FAM135B: variants seen among roughly 807,000 people sequenced by gnomAD.
FAM135B encodes the protein family with sequence similarity 135 member B, also known as protein FAM135B.
FAM135B carries 43 observed loss-of-function variants against 127.7 expected under a neutral mutation model. The observed-to-expected ratio is 0.34, with a 90% confidence interval of 0.26 to 0.43. The LOEUF (loss-of-function observed/expected upper bound fraction) is 0.43, where lower values mean the gene tolerates loss of function less well. Among genes scored for constraint, FAM135B ranks in the 20% least tolerant of loss-of-function variants. The pLI is 1.00. For synonymous variants in FAM135B, 670 were observed against 665.1 expected (o/e 1.01, Z -0.11); for missense variants, 1,558 against 1,725.6 (o/e 0.90, Z 1.72).
chr8:138,440,806 A>C (rs1049516586), intron 1 of FAM135B: 1 of 152,186 alleles, frequency 6.6e-6, no homozygotes, highest in Non-Finnish European at 1.5e-5. Context: ...AGTGGCTATG[A>C]TATTTCATGA....
At position 138,250,882 on chromosome 8, in the gene FAM135B, G is replaced by A. The variant is rs749753235; in HGVS notation, c.501C>T (p.Thr167=). The A allele has an allele frequency of 1.7e-5, 28 of 1,613,836 alleles. No homozygotes were observed. The highest frequency in any genetic ancestry group is 6.7e-5 in the East Asian group (3 of 44,874). Residue 167 remains threonine (T), a synonymous_variant, in exon 6 of 20, where the codon ACC becomes ACT. Coordinates refer to ENST00000395297, the MANE Select transcript of FAM135B (RefSeq NM_015912.4). ...DYFHLSVISV[T]VHAALVALQQ... ...GCAGAGCCACCAGGGCAGCATGGACGGTCACCGAGATCACAGACAGGTGGA... is the reference window on the plus strand; with the variant it reads ...GCAGAGCCACCAGGGCAGCATGGACAGTCACCGAGATCACAGACAGGTGGA...
chr8:138,217,907 A>T (rs1818697107), intron 7 of FAM135B, among the ~76,000 whole-genome samples: 1 of 152,192 alleles, frequency 6.6e-6, no homozygotes, highest in African/African-American at 2.4e-5. Flanking sequence ...TGGGATGAAG[A>T]CAAGATACTG....
chr8:138,185,709 G>A (rs1296948334), intron 9 of FAM135B, among the ~76,000 whole-genome samples: 1 of 152,130 alleles, frequency 6.6e-6, no homozygotes, highest in African/African-American at 2.4e-5. Flanking sequence ...GGGGCAACCA[G>A]GGAATTCTCT....
intron 7 of FAM135B, among the ~76,000 whole-genome samples, chr8:138,239,429 T>C (rs1253147594): frequency 6.6e-6 from 1 of 152,232 alleles, no homozygotes; most frequent in African/African-American, 2.4e-5. Flanking sequence ...TAAATTTGTT[T>C]GAGTTCTTTG....
intron 3 of FAM135B, among the ~76,000 whole-genome samples, chr8:138,269,549 AAT>A (rs1011934907): frequency 6.6e-6 from 1 of 152,244 alleles, no homozygotes; most frequent in Non-Finnish European, 1.5e-5. Flanking sequence ...ATACTCAGAG[AAT>A]CTTCCAACAT....
At chr8:138,314,170 A>G (rs953944104) in intron 2 of FAM135B, among the ~76,000 whole-genome samples, 1 of 152,168 alleles carries the variant, frequency 6.6e-6, no homozygotes, top group African/African-American at 2.4e-5. Flanking sequence ...GATCAATGGT[A>G]ATGAATCAAC....
rs764102507 is a variant in FAM135B, at chr8:138,243,166, G to C, written c.543-98C>G. The C allele has an allele frequency of 1.4e-6, 2 of 1,419,248 alleles. No homozygotes were observed. Among genetic ancestry groups the C allele is most frequent in the African/African-American group, 2.9e-5 (2 of 70,056 alleles). 87.9% of individuals were successfully genotyped at this position (1,419,248 alleles called of 1,614,324 possible). On this transcript the variant is annotated intron_variant, in intron 6 of 19. Coordinates refer to ENST00000395297, the MANE Select transcript of FAM135B (RefSeq NM_015912.4). The surrounding 1 kb of genome is among the most constrained non-coding windows in gnomAD (Gnocchi z 7.5). Reference sequence around the variant, plus strand: ...GAGGAGTGTTCCTGTGAAGCATTTGGGATAAGTCATTTAGGAGTAGTTCAC... The same window carrying C: ...GAGGAGTGTTCCTGTGAAGCATTTGCGATAAGTCATTTAGGAGTAGTTCAC...
chr8:138,413,820 C>T (rs1833995369), intron 1 of FAM135B, among the ~76,000 whole-genome samples: 1 of 152,074 alleles, frequency 6.6e-6, no homozygotes, highest in South Asian at 2.1e-4. Context: ...GACAATCTGG[C>T]CCTCCTCCTC....
intron 2 of FAM135B, among the ~76,000 whole-genome samples, chr8:138,337,347 A>G (rs915733979): frequency 6.6e-6 from 1 of 152,078 alleles, no homozygotes; most frequent in African/African-American, 2.4e-5. Context: ...ATCATTGTAT[A>G]TCTAGAAAAC....
At chr8:138,489,874 C>T (rs1364929271) in intron 1 of FAM135B, among the ~76,000 whole-genome samples, 4 of 152,176 alleles carry the variant, frequency 2.6e-5, no homozygotes, top group Non-Finnish European at 2.9e-5. Flanking sequence ...GTCTCATATT[C>T]GATACCTCTT....
chr8:138,336,386 A>G (rs931913549), intron 2 of FAM135B, among the ~76,000 whole-genome samples: 8 of 152,224 alleles, frequency 5.3e-5, no homozygotes, highest in Non-Finnish European at 1.0e-4. Context: ...GAAAAGAAAG[A>G]AGAATCAAAT....
intron 1 of FAM135B, among the ~76,000 whole-genome samples, chr8:138,377,607 T>C (rs995436794): frequency 2.0e-5 from 3 of 152,190 alleles, no homozygotes; most frequent in Non-Finnish European, 2.9e-5. Context: ...CATTACTCTA[T>C]TCATCTTTTA....
chr8:138,269,812 G>GT lies in FAM135B; in HGVS notation c.158-3971dup, dbSNP rs372459008. ...GGCAAAATGGTGAGTGAAGAAGTAT[G>GT]TTTTTTACTGAAAAATTATCAAAAT... is the stretch of plus-strand genomic sequence containing the variant. On this transcript the variant is annotated intron_variant, in intron 3 of 19. Coordinates refer to ENST00000395297, the MANE Select transcript of FAM135B (RefSeq NM_015912.4). 3.4e-3 allele frequency among the ~76,000 whole-genome samples: 511 copies of GT among 152,266 alleles called. 2 individuals carry two copies. Among genetic ancestry groups the GT allele is most frequent in the African/African-American group, 0.011 (476 of 41,566 alleles).
At chr8:138,444,245 G>C (rs1479566643) in intron 1 of FAM135B, among the ~76,000 whole-genome samples, 4 of 152,064 alleles carry the variant, frequency 2.6e-5, no homozygotes, top group Non-Finnish European at 4.4e-5. Flanking sequence ...AGGTCAACGA[G>C]ACAGAAAGTT....
At chr8:138,232,551 T>C (rs530833595) in intron 7 of FAM135B, among the ~76,000 whole-genome samples, 5 of 152,332 alleles carry the variant, frequency 3.3e-5, no homozygotes, top group African/African-American at 7.2e-5. Flanking sequence ...AGTGTGTGTA[T>C]GGTATGGCAA....
chr8:138,152,366 C>T lies in FAM135B; in HGVS notation c.2109G>A (p.Arg703=), dbSNP rs1208280038. The change falls in exon 13 of 20, where the codon AGG becomes AGA. Residue 703 remains arginine (R), a synonymous_variant. Transcript: ENST00000395297. ...SSVAWSEARS[R]ALELPSDREV... ...CCCGATCACTGGGCAACTCCAGAGCCCTGCTTCGGGCCTCTGACCAGGCGA... is the reference window on the plus strand; with the variant it reads ...CCCGATCACTGGGCAACTCCAGAGCTCTGCTTCGGGCCTCTGACCAGGCGA... 6.2e-7 allele frequency: 1 copy of T among 1,614,158 alleles called. No individual in the cohort carries two copies. Among genetic ancestry groups the T allele is most frequent in the South Asian group, 1.1e-5 (1 of 91,086 alleles).
At chr8:138,350,615 G>A (rs1425877735) in intron 2 of FAM135B, among the ~76,000 whole-genome samples, 1 of 152,126 alleles carries the variant, frequency 6.6e-6, no homozygotes, top group Non-Finnish European at 1.5e-5. Flanking sequence ...ATGTTCCATT[G>A]AATACACTGG....
At chr8:138,367,864 C>A (rs765021920) in intron 2 of FAM135B, 43 bp downstream of exon 2, 9 of 1,216,736 alleles carry the variant, frequency 7.4e-6, no homozygotes, top group Non-Finnish European at 8.3e-6. Context: ...ACAAACAACA[C>A]ACACACACAC....
At chr8:138,223,066 C>T (rs1489015442) in intron 7 of FAM135B, among the ~76,000 whole-genome samples, 1 of 152,098 alleles carries the variant, frequency 6.6e-6, no homozygotes, top group Non-Finnish European at 1.5e-5. Flanking sequence ...GTCTGCCACA[C>T]TGGTCTTCTG....
Sources: gnomAD v4.1 joint callset for allele counts (sites outside exome capture counted in the v4.1 genomes callset) on GRCh38, gnomAD v4.1.1 for gene constraint, Gnocchi (gnomAD v3.1) non-coding constraint, MANE v1.5 for transcripts, NCBI Gene and HGNC (gene_info 2026-07-23, HGNC 2026-07-21) for gene names.